CYP4F11: variants seen among roughly 807,000 people sequenced by gnomAD.
CYP4F11 encodes cytochrome P450 4F11.
In CYP4F11, 79 loss-of-function variants were observed where a neutral mutation model predicts 62.2. That is an observed-to-expected ratio of 1.27 (90% CI 1.06 to 1.53). The LOEUF (loss-of-function observed/expected upper bound fraction) is 1.53, where lower values mean the gene tolerates loss of function less well. CYP4F11 is among the 40% of genes most tolerant of loss of function. CYP4F11 has a pLI of 0.00. For missense variants in CYP4F11, 777 were observed against 680.5 expected, an observed-to-expected ratio of 1.14 and a Z score of -1.58; for synonymous variants, 290 against 263.7, an observed-to-expected ratio of 1.10 and a Z score of -0.97.
In CYP4F11 at chr19:15,927,308, C is replaced by T. The variant is rs527289688; in HGVS notation, c.429G>A (p.Lys143=). 7.4e-6 allele frequency: 12 copies of T among 1,614,172 alleles called. No homozygotes were observed. In the East Asian group the frequency reaches 2.7e-4, roughly 36 times the overall value. Residue 143 remains lysine (K), a synonymous_variant, in exon 4 of 12, where the codon AAG becomes AAA. Transcript: ENST00000402119. ...GDGLLLSGGD[K]WSRHRRMLTP... ...TCAACATCCGACGGTGGCGGCTCCA[C>T]TTGTCACCACCACTCAGCAGGAGCC...
intron 1 of CYP4F11, among the ~76,000 whole-genome samples, chr19:15,931,289 G>T (rs183256477): frequency 9.9e-5 from 15 of 151,894 alleles, no homozygotes; most frequent in Admixed American, 5.9e-4. Context: ...CACAGAGATG[G>T]GCAGACACAA....
intron 2 of CYP4F11, 150 bp downstream of exon 2, chr19:15,929,307 A>G: frequency 1.9e-6 from 2 of 1,062,840 alleles, no homozygotes; most frequent in South Asian, 1.4e-5. Context: ...GGGGTTCGTG[A>G]ATACATGAAG....
At chr19:15,928,041 C>G (rs1196017621) in intron 2 of CYP4F11, 2 of 153,018 alleles carry the variant, frequency 1.3e-5, no homozygotes, top group Non-Finnish European at 2.9e-5. Flanking sequence ...CGGGTATAAC[C>G]AAGCCTATTC....
In CYP4F11 at chr19:15,934,378, G is replaced by A. The variant is rs776286690; in HGVS notation, c.31C>T (p.Leu11Phe). 14 of 1,613,314 alleles carry A rather than the reference G, an allele frequency of 8.7e-6. No individual in the cohort carries two copies. Among genetic ancestry groups the A allele is most frequent in the South Asian group, 2.2e-5 (2 of 91,030 alleles). Residue 11 changes from leucine to phenylalanine, a missense_variant, in exon 1 of 12, where the codon CTC (leucine) becomes TTC (phenylalanine). By Grantham distance (22) the Leu-to-Phe change is conservative (BLOSUM62 0). Transcript: ENST00000402119. ...CACGGGGATGCTGCCACGGGCCCGA[G>A]GCCCAGCCAGGACAGGCTCAGCTGC... MPQLSLSWLGLGPVAASPWLL... is the reference protein window; with the variant it reads MPQLSLSWLGFGPVAASPWLL...
chr19:15,922,522 C>A (rs1002005028), intron 6 of CYP4F11, 92 bp from the exon 7 acceptor site: 1 of 1,390,190 alleles, frequency 7.2e-7, no homozygotes. Flanking sequence ...GAAGATCCAT[C>A]CTCCTTCCAG....
rs1404974051 is a variant in CYP4F11 at position 15,912,759 on chromosome 19, G to GTATATATATA, written c.*972_*973insTATATATATA. On this transcript the variant is annotated 3_prime_UTR_variant, in exon 12 of 12. Transcript: ENST00000402119. ...TATATGTATATATGTGTGTGTGTGTGTGTGTGTGTGTGTATATATATATAT... is the reference window on the plus strand; with the variant it reads ...TATATGTATATATGTGTGTGTGTGTGTATATATATATGTGTGTGTGTGTATATATATATAT... 2.2e-5 allele frequency: 1 copy of GTATATATATA among 44,882 alleles called. No individual in the cohort carries two copies. Among genetic ancestry groups the GTATATATATA allele is most frequent in the African/African-American group, 9.7e-5 (1 of 10,260 alleles). 2.8% of individuals were successfully genotyped at this position (44,882 alleles called of 1,614,324 possible).
rs1193708413 is a variant in CYP4F11, at chr19:15,912,970, T to C, written c.*762A>G. 2 of 151,476 alleles carry C rather than the reference T, an allele frequency of 1.3e-5. No individual in the cohort carries two copies. The highest frequency in any genetic ancestry group is 2.9e-5 in the Non-Finnish European group (2 of 67,948). 9.4% of individuals were successfully genotyped at this position (151,476 alleles called of 1,614,324 possible). ...CAGCCAGACTTTCTGAGACAGGAAATAATAATGGCTCCATATATTTAGCAT... is the reference window on the plus strand; with the variant it reads ...CAGCCAGACTTTCTGAGACAGGAAACAATAATGGCTCCATATATTTAGCAT... On this transcript the variant is annotated 3_prime_UTR_variant, in exon 12 of 12. Transcript: ENST00000402119.
In CYP4F11 at chr19:15,929,456, C is replaced by T. The variant is rs1212077890; in HGVS notation, c.343+1G>A. ...CACTACCACAAGCTCTGCACGGGTA[C>T]CTGAGGCACTGGTGATAGGCCGGAT... On this transcript the variant is annotated splice_donor_variant, in intron 2 of 11. Coordinates refer to ENST00000402119, the MANE Select transcript of CYP4F11 (RefSeq NM_021187.4). LOFTEE classifies it high-confidence loss of function. 3 of 1,613,958 alleles carry T rather than the reference C, an allele frequency of 1.9e-6. No homozygotes were observed. The highest frequency in any genetic ancestry group is 2.5e-6 in the Non-Finnish European group (3 of 1,180,040).
At chr19:15,928,473 A>G (rs2089686427) in intron 2 of CYP4F11, among the ~76,000 whole-genome samples, 1 of 152,214 alleles carries the variant, frequency 6.6e-6, no homozygotes, top group Non-Finnish European at 1.5e-5. Flanking sequence ...AGAGAAGGAG[A>G]CAGATTCCCA....
intron 8 of CYP4F11, among the ~76,000 whole-genome samples, chr19:15,918,407 CA>C (rs2089598282): frequency 6.6e-6 from 1 of 151,960 alleles, no homozygotes; most frequent in Non-Finnish European, 1.5e-5. Flanking sequence ...CCTATGTAAC[CA>C]ACCTGCATAG....
intron 6 of CYP4F11, among the ~76,000 whole-genome samples, chr19:15,922,666 T>A (rs1460245637): frequency 6.6e-6 from 1 of 152,156 alleles, no homozygotes; most frequent in Non-Finnish European, 1.5e-5. Context: ...TATGGATATT[T>A]TCTTGTTTCG....
chr19:15,933,301 T>C (rs201503128), intron 1 of CYP4F11, among the ~76,000 whole-genome samples: 6 of 3,224 alleles, frequency 1.9e-3, no homozygotes, highest in Admixed American at 2.7e-3. Flanking sequence ...AATGAGTGAG[T>C]GAGGAGAGGA....
rs2089716297 is a variant in CYP4F11, at chr19:15,931,525, C to CAGAGGAATGAGTGAGCGAGG, written c.199-1925_199-1924insCCTCGCTCACTCATTCCTCT. On this transcript the variant is annotated intron_variant, in intron 1 of 11. Transcript: ENST00000402119. Reference sequence around the variant, plus strand: ...GTGAGAAAGACTTGGGATGGCACATCAGAGGAATGAGTGAGCGGGGAGAGG... The same window carrying CAGAGGAATGAGTGAGCGAGG: ...GTGAGAAAGACTTGGGATGGCACATCAGAGGAATGAGTGAGCGAGGAGAGGAATGAGTGAGCGGGGAGAGG... 2.6e-4 allele frequency among the ~76,000 whole-genome samples: 36 copies of CAGAGGAATGAGTGAGCGAGG among 138,116 alleles called. 4 individuals are homozygous for CAGAGGAATGAGTGAGCGAGG. The highest frequency in any genetic ancestry group is 5.4e-4 in the African/African-American group (20 of 36,976). The allele number at this position is 138,116 out of a possible 152,430, so 90.6% of individuals were successfully genotyped here. A position where few individuals can be genotyped will look rare whatever the true frequency, so the allele number is the denominator to read the frequency against.
rs369380901 is a variant in CYP4F11, at chr19:15,918,476, G to A, written c.1115+3561C>T. 5.5e-4 allele frequency among the ~76,000 whole-genome samples: 84 copies of A among 152,194 alleles called. 1 individual carries two copies. The highest frequency in any genetic ancestry group is 6.8e-3 in the Middle Eastern group (2 of 294). On this transcript the variant is annotated intron_variant, in intron 8 of 11. Coordinates refer to ENST00000402119, the MANE Select transcript of CYP4F11 (RefSeq NM_021187.4). Reference sequence around the variant, plus strand: ...ATAATAATAATGTAATACTCTTGGCGAAGTTATGGGAAAGCTGTTGCCATC... The same window carrying A: ...ATAATAATAATGTAATACTCTTGGCAAAGTTATGGGAAAGCTGTTGCCATC...
Position 15,934,238 on chromosome 19 carries a change from C to T in CYP4F11, c.171G>A (p.Gln57=), listed in dbSNP as rs140733161. 11 of 1,613,628 alleles carry T rather than the reference C, an allele frequency of 6.8e-6. No individual in the cohort carries two copies. The highest frequency in any genetic ancestry group is 9.3e-6 in the Non-Finnish European group (11 of 1,179,772). The stretch of plus-strand genomic sequence containing the variant: ...GGCCCTGGTGTCCCCAAAACCAGTT[C>T]TGTTTCGGGGGTTGAGGAAAACACT... The part of the protein sequence containing the change: ...RLQCFPQPPK[Q]NWFWGHQGLV... Residue 57 remains glutamine (Q), a synonymous_variant, in exon 1 of 12, where the codon CAG becomes CAA. Coordinates refer to ENST00000402119, the MANE Select transcript of CYP4F11 (RefSeq NM_021187.4).
rs56657452 is a variant in CYP4F11 at position 15,919,413 on chromosome 19, C to CGGATGGATGGAT, written c.1115+2612_1115+2623dup. On this transcript the variant is annotated intron_variant, in intron 8 of 11. Coordinates refer to ENST00000402119, the MANE Select transcript of CYP4F11 (RefSeq NM_021187.4). ...ATAGATAGGATAAAGGATGGATGGACGGATGGATGGATGGATGGATGGATG... is the reference window on the plus strand; with the variant it reads ...ATAGATAGGATAAAGGATGGATGGACGGATGGATGGATGGATGGATGGATGGATGGATGGATG... Among the ~76,000 whole-genome samples, 161 of 144,600 alleles carry CGGATGGATGGAT rather than the reference C, an allele frequency of 1.1e-3. 1 individual carries two copies. Among genetic ancestry groups the CGGATGGATGGAT allele is most frequent in the South Asian group, 1.8e-3 (8 of 4,482 alleles). 94.9% of individuals were successfully genotyped at this position (144,600 alleles called of 152,430 possible).
rs952709258 is a variant in CYP4F11, at chr19:15,931,565, G to A, written c.199-1964C>T. Reference sequence around the variant, plus strand: ...GCGGGGAGAGGAATGAGTGAGCGAGGAGAGGAATGAGTGAGCGAGGAGAGG... The same window carrying A: ...GCGGGGAGAGGAATGAGTGAGCGAGAAGAGGAATGAGTGAGCGAGGAGAGG... On this transcript the variant is annotated intron_variant, in intron 1 of 11. Coordinates refer to ENST00000402119, the MANE Select transcript of CYP4F11 (RefSeq NM_021187.4). Among the ~76,000 whole-genome samples, 459 of 109,250 alleles carry A rather than the reference G, an allele frequency of 4.2e-3. 8 individuals carry two copies. The highest frequency in any genetic ancestry group is 0.011 in the East Asian group (42 of 3,714). 71.7% of individuals were successfully genotyped at this position (109,250 alleles called of 152,430 possible). A position where few individuals can be genotyped will look rare whatever the true frequency, so the allele number is the denominator to read the frequency against.
At chr19:15,922,305 T>C in intron 7 of CYP4F11, 59 bp downstream of exon 7, 2 of 1,609,118 alleles carry the variant, frequency 1.2e-6, no homozygotes, top group Non-Finnish European at 1.7e-6. Context: ...GTCCACCCAC[T>C]ACGTTCCTGG....
Position 15,913,611 on chromosome 19 carries a change from C to A in CYP4F11, c.*121G>T. 1 of 1,308,834 alleles carries A rather than the reference C, an allele frequency of 7.6e-7. No homozygotes were observed. The highest frequency in any genetic ancestry group is 2.1e-5 in the Admixed American group (1 of 48,010). 81.1% of individuals were successfully genotyped at this position (1,308,834 alleles called of 1,614,324 possible). ...CACCCTGCCTCCACCCACTCACCTC[C>A]CTTTCTTAGATCCCACCAGTCCCCA... On this transcript the variant is annotated 3_prime_UTR_variant, in exon 12 of 12. Transcript: ENST00000402119.
Sources: allele counts gnomAD v4.1 joint callset (sites outside exome capture counted in the v4.1 genomes callset), GRCh38; gene constraint gnomAD v4.1.1; transcripts MANE v1.5; gene names NCBI Gene and HGNC (gene_info 2026-07-23, HGNC 2026-07-21).